TMEM131L: variants seen among roughly 807,000 people sequenced by gnomAD.
The protein encoded by TMEM131L is transmembrane 131 like, also known as transmembrane protein 131-like.
A neutral mutation model predicts 192.2 loss-of-function variants in TMEM131L; 54 were observed. The ratio of observed to expected loss-of-function variants is 0.28; its 90% CI spans 0.23 to 0.35. The LOEUF (loss-of-function observed/expected upper bound fraction) is 0.35, where lower values mean the gene tolerates loss of function less well. Among genes scored for constraint, TMEM131L ranks in the 10% least tolerant of loss-of-function variants. TMEM131L has a pLI of 1.00. For missense variants in TMEM131L, 1,888 were observed against 1,972.9 expected (o/e 0.96, Z 0.82); for synonymous variants, 701 against 704.9 (o/e 0.99, Z 0.09).
intron 3 of TMEM131L, among the ~76,000 whole-genome samples, chr4:153,501,362 G>A (rs557316946): frequency 2.0e-5 from 3 of 152,048 alleles, no homozygotes; most frequent in East Asian, 3.9e-4. Context: ...CACCACACCC[G>A]GCTAATTTTT....
intron 2 of TMEM131L, among the ~76,000 whole-genome samples, chr4:153,470,372 G>C (rs1731067186): frequency 6.6e-6 from 1 of 152,136 alleles, no homozygotes; most frequent in Admixed American, 6.6e-5. Flanking sequence ...TTCTTGTTTT[G>C]AAAGGTCTGA....
chr4:153,634,471 A>G (rs1208123160), intron 33 of TMEM131L, 191 bp downstream of exon 33: 1 of 525,836 alleles, frequency 1.9e-6, no homozygotes, highest in African/African-American at 1.9e-5. Context: ...ATGACCCTCA[A>G]AAAGCCCTCA....
chr4:153,530,696 G>T (rs1735833379), intron 3 of TMEM131L, among the ~76,000 whole-genome samples: 1 of 152,204 alleles, frequency 6.6e-6, no homozygotes, highest in Non-Finnish European at 1.5e-5. Context: ...TCGTCCCACT[G>T]TTTGACTGAG....
At chr4:153,610,309 A>G (rs1732524158) in intron 25 of TMEM131L, among the ~76,000 whole-genome samples, 1 of 152,246 alleles carries the variant, frequency 6.6e-6, no homozygotes, top group South Asian at 2.1e-4. Flanking sequence ...AGCAGTTGAT[A>G]GTGATCAGCT....
intron 10 of TMEM131L, 31 bp from the exon 11 acceptor site, chr4:153,583,533 G>A: frequency 7.3e-7 from 1 of 1,360,554 alleles, no homozygotes; most frequent in Admixed American, 1.7e-5. Flanking sequence ...CCAGCTGAGA[G>A]TAGTCACATG....
At chr4:153,558,090 ACATT>A (rs1728605179) in intron 6 of TMEM131L, among the ~76,000 whole-genome samples, 164 bp from the exon 7 acceptor site, 1 of 152,222 alleles carries the variant, frequency 6.6e-6, no homozygotes, top group Non-Finnish European at 1.5e-5. Flanking sequence ...CATTTCTGAA[ACATT>A]CATTGTGTTT....
At chr4:153,588,521 T>A (rs111932529) in intron 15 of TMEM131L, among the ~76,000 whole-genome samples, 1 of 151,324 alleles carries the variant, frequency 6.6e-6, no homozygotes, top group East Asian at 1.9e-4. Flanking sequence ...GCACTCTAGA[T>A]AGTGACCTGG....
At chr4:153,622,437 C>T (rs533946727) in intron 28 of TMEM131L, among the ~76,000 whole-genome samples, 30 of 152,344 alleles carry the variant, frequency 2.0e-4, no homozygotes, top group Admixed American at 7.2e-4. Flanking sequence ...TTTCTATCTC[C>T]ACCCTCTCTT....
chr4:153,546,899 C>T (rs569260030), intron 3 of TMEM131L, among the ~76,000 whole-genome samples: 1 of 152,284 alleles, frequency 6.6e-6, no homozygotes, highest in Non-Finnish European at 1.5e-5. Context: ...TGCGCTCCAA[C>T]GTGGGCAACA....
At chr4:153,591,241 G>T in intron 17 of TMEM131L, 47 bp downstream of exon 17, 1 of 1,512,296 alleles carries the variant, frequency 6.6e-7, no homozygotes, top group South Asian at 1.3e-5. Context: ...ACTCCCCAGT[G>T]CTTGGGTTTT....
rs1480072172 is a variant in TMEM131L, at chr4:153,582,422, TTTTTTTTGTTG to T, written c.893-760_893-750del. On this transcript the variant is annotated intron_variant, in intron 9 of 34. Transcript: ENST00000409959. ...ACTATGCCTGGCTAATTTAAACCGTTTTTTTTTGTTGTTTTTTTTTTTTTTTTTTTTTTTTT... is the reference window on the plus strand; with the variant it reads ...ACTATGCCTGGCTAATTTAAACCGTTTTTTTTTTTTTTTTTTTTTTTTTTT... Among the ~76,000 whole-genome samples, 118 of 131,018 alleles carry T rather than the reference TTTTTTTTGTTG, an allele frequency of 9.0e-4. 16 individuals carry two copies. Among genetic ancestry groups the T allele is most frequent in the African/African-American group, 4.2e-3 (108 of 25,722 alleles). The allele number at this position is 131,018 out of a possible 152,430, so 86.0% of individuals were successfully genotyped here.
At chr4:153,628,971 C>T (rs529407753) in intron 31 of TMEM131L, among the ~76,000 whole-genome samples, 4 of 152,330 alleles carry the variant, frequency 2.6e-5, no homozygotes, top group African/African-American at 2.4e-5. Context: ...CCTCACCTCC[C>T]TCACAGCCGT....
chr4:153,552,019 G>A (rs1737662915), intron 4 of TMEM131L, among the ~76,000 whole-genome samples: 1 of 151,762 alleles, frequency 6.6e-6, no homozygotes, highest in South Asian at 2.1e-4. Context: ...GACCAGCGTG[G>A]CCAACATGGC....
chr4:153,599,231 T>C (rs1278385395), intron 21 of TMEM131L, among the ~76,000 whole-genome samples: 1 of 152,164 alleles, frequency 6.6e-6, no homozygotes, highest in South Asian at 2.1e-4. Flanking sequence ...CACACACTTT[T>C]AAACAACCAG....
intron 3 of TMEM131L, among the ~76,000 whole-genome samples, chr4:153,503,617 C>T (rs1733758597): frequency 6.6e-6 from 1 of 152,148 alleles, no homozygotes; most frequent in East Asian, 1.9e-4. Flanking sequence ...TGGCCGGACT[C>T]AGGACAAAGA....
intron 3 of TMEM131L, among the ~76,000 whole-genome samples, chr4:153,480,229 C>CT (rs1731830110): frequency 6.6e-6 from 1 of 152,110 alleles, no homozygotes; most frequent in Admixed American, 6.5e-5. Flanking sequence ...GTCCCAGCTG[C>CT]TTGGGAGGCT....
intron 3 of TMEM131L, among the ~76,000 whole-genome samples, chr4:153,540,075 C>T (rs1426394408): frequency 6.6e-6 from 1 of 151,910 alleles, no homozygotes; most frequent in Non-Finnish European, 1.5e-5. Flanking sequence ...CGCGCCACTG[C>T]CCTCCAGCCT....
chr4:153,524,002 G>T (rs1735298049), intron 3 of TMEM131L, among the ~76,000 whole-genome samples: 1 of 151,932 alleles, frequency 6.6e-6, no homozygotes, highest in Non-Finnish European at 1.5e-5. Flanking sequence ...CATGTTTATT[G>T]TAGGAAGATT....
intron 3 of TMEM131L, among the ~76,000 whole-genome samples, chr4:153,544,209 A>G (rs731442): frequency 8.5e-5 from 13 of 152,218 alleles, no homozygotes; most frequent in African/African-American, 3.1e-4. Context: ...GCTGAGGAAT[A>G]TGGAAACCCA....
Sources: gnomAD v4.1 joint callset for allele counts (sites outside exome capture counted in the v4.1 genomes callset) on GRCh38, gnomAD v4.1.1 for gene constraint, MANE v1.5 for transcripts, NCBI Gene and HGNC (gene_info 2026-07-23, HGNC 2026-07-21) for gene names.